TAF12: variants seen among roughly 807,000 people sequenced by gnomAD.
TAF12 encodes TATA-box binding protein associated factor 12.
Under a neutral mutation model 20.8 loss-of-function variants are expected in TAF12, and 3 were observed. The observed-to-expected ratio is 0.14, with a 90% confidence interval of 0.07 to 0.37. The LOEUF is 0.37. Among genes scored for constraint, TAF12 ranks in the 10% least tolerant of loss-of-function variants. The pLI is 1.00. For synonymous variants in TAF12, 69 were observed against 70.2 expected (o/e 0.98, Z 0.09); for missense variants, 131 against 197.9 (o/e 0.66, Z 2.03).
intron 4 of TAF12, among the ~76,000 whole-genome samples, chr1:28,608,476 G>C (rs558489899): frequency 4.5e-4 from 68 of 152,184 alleles, no homozygotes; most frequent in Non-Finnish European, 7.8e-4. Flanking sequence ...AGAGCAGGCC[G>C]GGTGTGGTGG....
intron 1 of TAF12, among the ~76,000 whole-genome samples, chr1:28,633,858 G>C (rs555145426): frequency 6.8e-6 from 1 of 148,128 alleles, no homozygotes; most frequent in African/African-American, 2.5e-5. Flanking sequence ...GTTCCGGTGA[G>C]CCGAGATTGT....
At chr1:28,638,787 ATT>A (rs759099050) in intron 1 of TAF12, among the ~76,000 whole-genome samples, 4 of 101,826 alleles carry the variant, frequency 3.9e-5, no homozygotes, top group Non-Finnish European at 5.9e-5. Flanking sequence ...CACCTGGCCT[ATT>A]TTTTTTTTTT....
chr1:28,617,802 A>C (rs1479388061), intron 3 of TAF12, 151 bp downstream of exon 3: 1 of 775,262 alleles, frequency 1.3e-6, no homozygotes, highest in Non-Finnish European at 2.2e-6. Context: ...TATATGGCCT[A>C]GGCTGGTCTT....
rs1667235973 is a variant in TAF12, at chr1:28,622,012, T to C, written c.70A>G (p.Ser24Gly). 1.2e-6 allele frequency: 2 copies of C among 1,614,108 alleles called. No homozygotes were observed. The highest frequency in any genetic ancestry group is 2.2e-5 in the East Asian group (1 of 44,884). The change falls in exon 2 of 6, where the codon AGC becomes GGC. Residue 24 changes from serine (S) to glycine (G), a missense_variant. Around this residue, in one of 3 missense-constraint regions of TAF12, gnomAD observed 63 missense variants for 72.1 expected, o/e 0.87. Transcript: ENST00000373824. ...GCCATGGAGCCTTGTGGAGGGGTGC[T>C]GGCTGGTTCCGGTTTTATGGATGAG... is the stretch of plus-strand genomic sequence containing the variant. Reference protein sequence around the residue: ...NFSSIKPEPASTPPQGSMANS... With the variant: ...NFSSIKPEPAGTPPQGSMANS...
intron 1 of TAF12, among the ~76,000 whole-genome samples, chr1:28,634,137 C>T (rs1043118432): frequency 5.3e-5 from 8 of 151,486 alleles, no homozygotes; most frequent in South Asian, 4.2e-4. Context: ...ATTAACTGGC[C>T]GGGCACAGTG....
At chr1:28,625,573 G>A (rs1474300448) in intron 1 of TAF12, among the ~76,000 whole-genome samples, 1 of 133,950 alleles carries the variant, frequency 7.5e-6, no homozygotes, top group Non-Finnish European at 1.5e-5. Flanking sequence ...ACGGAGTCTC[G>A]CTCTTTCGCC....
chr1:28,630,283 T>A (rs571599868), intron 1 of TAF12, among the ~76,000 whole-genome samples: 15 of 152,236 alleles, frequency 9.9e-5, no homozygotes, highest in African/African-American at 3.4e-4. Context: ...CAGGGCCAGG[T>A]ACAGTGGCTC....
At chr1:28,645,852 A>T (rs1317926559), upstream of TAF12, among the ~76,000 whole-genome samples, 1 of 150,266 alleles carries the variant, frequency 6.7e-6, no homozygotes, top group Non-Finnish European at 1.5e-5. Flanking sequence ...CTGTAGTCCC[A>T]AGCTACTCAG....
intron 4 of TAF12, among the ~76,000 whole-genome samples, chr1:28,608,917 G>T (rs892627093): frequency 6.6e-6 from 1 of 151,622 alleles, no homozygotes; most frequent in Non-Finnish European, 1.5e-5. Flanking sequence ...TTCCAGCCTG[G>T]GCAAAAAGAG....
At chr1:28,613,038 C>A (rs1387447602) in intron 4 of TAF12, among the ~76,000 whole-genome samples, 3 of 152,182 alleles carry the variant, frequency 2.0e-5, no homozygotes, top group Non-Finnish European at 4.4e-5. Flanking sequence ...TAGAAAGTGG[C>A]AGAATCTGGT....
At chr1:28,638,978 G>A (rs961987260) in intron 1 of TAF12, among the ~76,000 whole-genome samples, 7 of 150,158 alleles carry the variant, frequency 4.7e-5, no homozygotes, top group African/African-American at 9.8e-5. Flanking sequence ...TAGTAGAGAC[G>A]GGGTTTCACC....
chr1:28,645,210 T>C (rs1668154911), upstream of TAF12, among the ~76,000 whole-genome samples: 1 of 151,314 alleles, frequency 6.6e-6, no homozygotes, highest in Non-Finnish European at 1.5e-5. Flanking sequence ...TAATTTTTTG[T>C]ATTTTTAGTA....
At chr1:28,624,073 A>G in intron 1 of TAF12, 1 of 955,398 alleles carries the variant, frequency 1.0e-6, no homozygotes, top group Non-Finnish European at 1.2e-6. Context: ...CTTGCCATGG[A>G]ACCATTTTAG....
At chr1:28,612,984 C>G (rs1345185909) in intron 4 of TAF12, among the ~76,000 whole-genome samples, 1 of 152,164 alleles carries the variant, frequency 6.6e-6, no homozygotes, top group African/African-American at 2.4e-5. Flanking sequence ...AATGAGGAAA[C>G]AGACTCTAAG....
intron 1 of TAF12, among the ~76,000 whole-genome samples, chr1:28,639,277 A>C (rs957808492): frequency 1.3e-5 from 2 of 151,020 alleles, no homozygotes; most frequent in Admixed American, 6.6e-5. Context: ...TTAGCCAGGC[A>C]TGGTGGCGCA....
intron 4 of TAF12, among the ~76,000 whole-genome samples, chr1:28,606,203 C>T (rs1666659336): frequency 1.3e-5 from 2 of 151,942 alleles, no homozygotes; most frequent in Admixed American, 6.6e-5. Flanking sequence ...TTCACCATCT[C>T]GGTCAGGCTG....
chr1:28,604,334 A>G (rs1230398643), intron 5 of TAF12, among the ~76,000 whole-genome samples: 1 of 152,208 alleles, frequency 6.6e-6, no homozygotes. Flanking sequence ...CATGACCTGC[A>G]TTGAAGGGAA....
At chr1:28,633,207 C>A (rs976475559) in intron 1 of TAF12, among the ~76,000 whole-genome samples, 7 of 142,424 alleles carry the variant, frequency 4.9e-5, no homozygotes, top group Non-Finnish European at 3.0e-5. Flanking sequence ...CACTCTGTTG[C>A]CCAGGCCAGA....
Position 28,613,506 on chromosome 1 carries a change from A to G in TAF12, c.247-145T>C, listed in dbSNP as rs1387419014. 4 of 651,828 alleles carry G rather than the reference A, an allele frequency of 6.1e-6. No individual in the cohort carries two copies. The Admixed American group carries it at 1.2e-4, about 19-fold the overall frequency. 40.4% of individuals were successfully genotyped at this position (651,828 alleles called of 1,614,324 possible). ...ATCAGCATTTGGGCTAAGGTGGGGA[A>G]GAGGAATGAGAAGGACAAAAGAAAT... On this transcript the variant is annotated intron_variant, in intron 3 of 5. Transcript: ENST00000373824.
Sources: allele counts gnomAD v4.1 joint callset (sites outside exome capture counted in the v4.1 genomes callset), GRCh38; gene constraint gnomAD v4.1.1; regional missense constraint gnomAD v4.1.1; transcripts MANE v1.5; gene names NCBI Gene and HGNC (gene_info 2026-07-23, HGNC 2026-07-21).